DLGAP1: variants seen among roughly 807,000 people sequenced by gnomAD.
The protein encoded by DLGAP1 is DLG associated protein 1, also known as disks large-associated protein 1.
DLGAP1 carries 11 observed loss-of-function variants against 90.8 expected under a neutral mutation model. The observed-to-expected ratio is 0.12, with a 90% CI of 0.08 to 0.20. DLGAP1 has a LOEUF of 0.20. Ranked by LOEUF, DLGAP1 falls within the 10% of genes least tolerant of loss-of-function variation. The pLI is 1.00. For missense variants in DLGAP1, 1,050 were observed against 1,333.8 expected (o/e 0.79, Z 3.31); for synonymous variants, 558 against 540.7 (o/e 1.03, Z -0.44).
intron 5 of DLGAP1, among the ~76,000 whole-genome samples, chr18:3,796,198 G>A (rs529705283): frequency 6.6e-6 from 1 of 152,284 alleles, no homozygotes; most frequent in Non-Finnish European, 1.5e-5. Flanking sequence ...GACAGGCAAA[G>A]CACTCAGAAC....
intron 7 of DLGAP1, among the ~76,000 whole-genome samples, chr18:3,601,777 G>A (rs1316048035): frequency 3.3e-5 from 5 of 150,204 alleles, no homozygotes; most frequent in East Asian, 2.0e-4. Context: ...CCAAGGAAGC[G>A]GAGGTTGCAG....
At chr18:4,345,580 C>T (rs1037644330) in intron 1 of DLGAP1, among the ~76,000 whole-genome samples, 1 of 152,202 alleles carries the variant, frequency 6.6e-6, no homozygotes, top group Admixed American at 6.5e-5. Flanking sequence ...ATAGGTTTCA[C>T]ACAACTATAT....
At chr18:4,168,332 T>C (rs951388745) in intron 1 of DLGAP1, among the ~76,000 whole-genome samples, 20 of 152,156 alleles carry the variant, frequency 1.3e-4, no homozygotes, top group African/African-American at 3.9e-4. Context: ...AGCAATTCAA[T>C]GGAACAAGGG....
chr18:3,639,755 C>CTTTTTT lies in DLGAP1; in HGVS notation c.1592-57513_1592-57508dup, dbSNP rs58862252. 1.1e-3 allele frequency among the ~76,000 whole-genome samples: 130 copies of CTTTTTT among 118,294 alleles called. 11 individuals are homozygous for CTTTTTT. Among genetic ancestry groups the CTTTTTT allele is most frequent in the African/African-American group, 3.9e-3 (107 of 27,716 alleles). 77.6% of individuals were successfully genotyped at this position (118,294 alleles called of 152,430 possible). On this transcript the variant is annotated intron_variant, in intron 7 of 12. Coordinates refer to ENST00000315677, the MANE Select transcript of DLGAP1 (RefSeq NM_004746.4). The stretch of plus-strand genomic sequence containing the variant: ...GTTCTCCTGCTACCTGCAGAGTTGC[C>CTTTTTT]TTTTTTTTTTTTTTTTTGAGACAGA...
intron 2 of DLGAP1, among the ~76,000 whole-genome samples, chr18:4,077,985 T>G (rs978904797): frequency 2.0e-5 from 3 of 152,146 alleles, no homozygotes; most frequent in Non-Finnish European, 4.4e-5. Context: ...AAGCCTCTGG[T>G]GGAATATGGC....
At chr18:3,891,050 T>C (rs1423076190) in intron 3 of DLGAP1, among the ~76,000 whole-genome samples, 2 of 152,234 alleles carry the variant, frequency 1.3e-5, no homozygotes, top group Non-Finnish European at 2.9e-5. Flanking sequence ...TGCAGTGCAC[T>C]GGGCACTGTA....
At chr18:4,171,324 A>G (rs2077020880) in intron 1 of DLGAP1, among the ~76,000 whole-genome samples, 1 of 152,128 alleles carries the variant, frequency 6.6e-6, no homozygotes, top group Admixed American at 6.6e-5. Flanking sequence ...TCACGAGGTC[A>G]GGAGATTGAG....
In DLGAP1 at chr18:3,739,902, G is replaced by A. The variant is rs35892732; in HGVS notation, c.1350+2433C>T. Reference sequence around the variant, plus strand: ...ATTTTACCTAAGGCCGAATGGCTACGTCATGGAATTGCAGTGCTTGACCTG... The same window carrying A: ...ATTTTACCTAAGGCCGAATGGCTACATCATGGAATTGCAGTGCTTGACCTG... On this transcript the variant is annotated intron_variant, in intron 6 of 12. Transcript: ENST00000315677. Among the ~76,000 whole-genome samples the A allele has an allele frequency of 6.6e-3, 1,000 of 152,250 alleles. 6 individuals carry two copies. The highest frequency in any genetic ancestry group is 0.01 in the Non-Finnish European group (697 of 68,004).
rs559078028 is a variant in DLGAP1 at position 4,224,922 on chromosome 18, G to A, written c.-266-73635C>T. On this transcript the variant is annotated intron_variant, in intron 1 of 12. Transcript: ENST00000315677. Reference sequence around the variant, plus strand: ...AGTGCTGTGCTGGCTTCAGGTCTTAGTGCATTCACAGTGGTGATGCCCACA... The same window carrying A: ...AGTGCTGTGCTGGCTTCAGGTCTTAATGCATTCACAGTGGTGATGCCCACA... Among the ~76,000 whole-genome samples the A allele has an allele frequency of 3.9e-5, 6 of 152,102 alleles. 1 individual carries two copies. In the East Asian group the frequency reaches 7.7e-4, roughly 20 times the overall value.
chr18:4,389,889 G>T (rs755274306), intron 1 of DLGAP1, among the ~76,000 whole-genome samples: 1 of 152,074 alleles, frequency 6.6e-6, no homozygotes, highest in Non-Finnish European at 1.5e-5. Context: ...AATATTACTG[G>T]TGAATAGTCT....
intron 10 of DLGAP1, among the ~76,000 whole-genome samples, chr18:3,532,716 C>T (rs964439777): frequency 1.3e-5 from 2 of 152,178 alleles, no homozygotes; most frequent in Non-Finnish European, 2.9e-5. Context: ...GCATTAATGC[C>T]TACCACCAAA....
chr18:4,384,267 C>T (rs28427280), intron 1 of DLGAP1, among the ~76,000 whole-genome samples: 6,469 of 152,116 alleles, frequency 0.043, 432 homozygotes, highest in African/African-American at 0.15. Flanking sequence ...AGTCTGATTT[C>T]GAAAGATCTC....
intron 1 of DLGAP1, among the ~76,000 whole-genome samples, chr18:4,198,896 C>T (rs1386036630): frequency 6.6e-6 from 1 of 152,132 alleles, no homozygotes; most frequent in Non-Finnish European, 1.5e-5. Flanking sequence ...GAGGCAAATG[C>T]CACAACCTCT....
chr18:4,298,748 A>G (rs185750303), intron 1 of DLGAP1, among the ~76,000 whole-genome samples: 1 of 149,198 alleles, frequency 6.7e-6, no homozygotes, highest in African/African-American at 2.5e-5. Flanking sequence ...CAATGTGCAC[A>G]TGTACCCTAA....
intron 7 of DLGAP1, among the ~76,000 whole-genome samples, chr18:3,634,885 A>C (rs944251262): frequency 6.6e-6 from 1 of 152,176 alleles, no homozygotes; most frequent in Non-Finnish European, 1.5e-5. Context: ...ATGACATCCA[A>C]TTTTTTTAAG....
At chr18:3,676,170 G>A (rs1470399550) in intron 7 of DLGAP1, among the ~76,000 whole-genome samples, 6 of 152,316 alleles carry the variant, frequency 3.9e-5, no homozygotes, top group Non-Finnish European at 8.8e-5. Flanking sequence ...TGCCAGCCGC[G>A]TGTACAGCAA....
At chr18:4,275,813 T>C (rs2079398974) in intron 1 of DLGAP1, among the ~76,000 whole-genome samples, 1 of 152,164 alleles carries the variant, frequency 6.6e-6, no homozygotes, top group Non-Finnish European at 1.5e-5. Flanking sequence ...TACAATAAAA[T>C]ATAAAGTTGA....
intron 1 of DLGAP1, among the ~76,000 whole-genome samples, chr18:4,360,663 A>G (rs572971233): frequency 2.5e-4 from 38 of 152,306 alleles, no homozygotes; most frequent in African/African-American, 9.1e-4. Flanking sequence ...GAGAATGTTG[A>G]TGGAATGAAA....
chr18:3,743,985 T>A (rs1214976418), intron 5 of DLGAP1, among the ~76,000 whole-genome samples: 1 of 152,216 alleles, frequency 6.6e-6, no homozygotes, highest in Non-Finnish European at 1.5e-5. Flanking sequence ...TTTCACATGG[T>A]ATTAGTGCGA....
Sources: gnomAD v4.1 joint callset for allele counts (sites outside exome capture counted in the v4.1 genomes callset) on GRCh38, gnomAD v4.1.1 for gene constraint, MANE v1.5 for transcripts, NCBI Gene and HGNC (gene_info 2026-07-23, HGNC 2026-07-21) for gene names.